The following CACNA2D2 variants were observed in gnomAD, a reference collection of about 807,000 sequenced individuals.
The protein encoded by CACNA2D2 is voltage-dependent calcium channel subunit alpha-2/delta-2.
A neutral mutation model predicts 166.4 loss-of-function variants in CACNA2D2; 48 were observed. That is an observed-to-expected ratio of 0.29 (90% CI 0.23 to 0.37). CACNA2D2 has a LOEUF of 0.37. CACNA2D2 is among the 10% of genes least tolerant of loss of function. CACNA2D2 has a pLI of 1.00. For synonymous variants in CACNA2D2, 561 were observed against 573.7 expected, an observed-to-expected ratio of 0.98 and a Z score of 0.32; for missense variants, 1,122 against 1,433.0, an observed-to-expected ratio of 0.78 and a Z score of 3.50.
Position 50,376,062 on chromosome 3 carries a change from A to G in CACNA2D2, c.1702-28T>C, listed in dbSNP as rs1267559369. On this transcript the variant is annotated intron_variant, in intron 18 of 37. Transcript: ENST00000424201. This position sits in a 1 kb window ranked among gnomAD's most constrained non-coding sequence, Gnocchi z 4.3. Reference sequence around the variant, plus strand: ...GTTGGAGGCAGGGTGGGAAGTCAGAAGTCCCCATTGTGGAAGGTTTGCCCA... The same window carrying G: ...GTTGGAGGCAGGGTGGGAAGTCAGAGGTCCCCATTGTGGAAGGTTTGCCCA... 3.1e-6 allele frequency: 5 copies of G among 1,613,218 alleles called. No homozygotes were observed. The South Asian group carries it at 4.4e-5, about 14-fold the overall frequency.
intron 2 of CACNA2D2, among the ~76,000 whole-genome samples, chr3:50,436,160 C>T (rs1284778148): frequency 5.2e-5 from 5 of 96,248 alleles, no homozygotes; most frequent in African/African-American, 1.7e-4. Context: ...TTCACCCATC[C>T]TTGACAGATC....
chr3:50,394,960 G>T (rs1450385277), intron 3 of CACNA2D2, among the ~76,000 whole-genome samples: 2 of 152,194 alleles, frequency 1.3e-5, no homozygotes, highest in Non-Finnish European at 2.9e-5. Flanking sequence ...CTCAGGGAAG[G>T]CTTGCTGGAG....
chr3:50,365,255 C>A lies in CACNA2D2; in HGVS notation c.3099-71G>T, dbSNP rs1242886791. 8 of 1,566,950 alleles carry A rather than the reference C, an allele frequency of 5.1e-6. No individual in the cohort carries two copies. The highest frequency in any genetic ancestry group is 1.4e-5 in the African/African-American group (1 of 73,184). On this transcript the variant is annotated intron_variant, in intron 35 of 37. Coordinates refer to ENST00000424201, the MANE Select transcript of CACNA2D2 (RefSeq NM_006030.4). This position sits in a 1 kb window ranked among gnomAD's most constrained non-coding sequence, Gnocchi z 4.5. ...GACCCACCCCCATCCTGCGGCCCCG[C>A]CCCCGGCCGCTCGGAGGCCCCGCCC... is the stretch of plus-strand genomic sequence containing the variant.
At chr3:50,470,254 G>A (rs1013419497) in intron 2 of CACNA2D2, among the ~76,000 whole-genome samples, 2 of 152,226 alleles carry the variant, frequency 1.3e-5, no homozygotes, top group Non-Finnish European at 2.9e-5. Context: ...GGGGCAGGAA[G>A]AGAGGAGGCC....
At chr3:50,435,602 C>T (rs1219986253) in intron 2 of CACNA2D2, among the ~76,000 whole-genome samples, 3 of 133,760 alleles carry the variant, frequency 2.2e-5, no homozygotes, top group Non-Finnish European at 4.6e-5. Context: ...AGAGTGACAG[C>T]GAGAAGGCAG....
At chr3:50,467,326 C>A (rs1709867094) in intron 2 of CACNA2D2, among the ~76,000 whole-genome samples, 1 of 152,204 alleles carries the variant, frequency 6.6e-6, no homozygotes, top group South Asian at 2.1e-4. Context: ...TGCTACATCT[C>A]CTAGGGCATC....
rs1705174339 is a variant in CACNA2D2, at chr3:50,379,330, C to T, written c.1152+102G>A. The stretch of plus-strand genomic sequence containing the variant: ...CAGATGGAGCTATCTGTCCAAGCTG[C>T]CTGTTTGGTGCTAACGAGGCCATCC... On this transcript the variant is annotated intron_variant, in intron 11 of 37. Transcript: ENST00000424201. This position sits in a 1 kb window ranked among gnomAD's most constrained non-coding sequence, Gnocchi z 6.5. 6.7e-7 allele frequency: 1 copy of T among 1,492,470 alleles called. No individual in the cohort carries two copies. Among genetic ancestry groups the T allele is most frequent in the South Asian group, 1.2e-5 (1 of 84,820 alleles). The allele number at this position is 1,492,470 out of a possible 1,614,324, so 92.5% of individuals were successfully genotyped here.
At chr3:50,384,457 G>A in intron 5 of CACNA2D2, 120 bp from the exon 6 acceptor site, 1 of 1,166,680 alleles carries the variant, frequency 8.6e-7, no homozygotes, top group South Asian at 1.4e-5. Context: ...CTCAAAAAGA[G>A]AGACTATTGC....
intron 1 of CACNA2D2, among the ~76,000 whole-genome samples, chr3:50,499,089 G>A (rs968354026): frequency 6.6e-6 from 1 of 152,224 alleles, no homozygotes; most frequent in Non-Finnish European, 1.5e-5. Context: ...TGTGTTGCAG[G>A]GAGTGAGGGA....
intron 2 of CACNA2D2, among the ~76,000 whole-genome samples, chr3:50,462,306 T>A (rs2107014639): frequency 6.6e-6 from 1 of 151,730 alleles, no homozygotes; most frequent in Non-Finnish European, 1.5e-5. Context: ...GAGAATTGCT[T>A]GAACCAGGGA....
intron 2 of CACNA2D2, among the ~76,000 whole-genome samples, chr3:50,451,094 C>T (rs1330565264): frequency 6.6e-6 from 1 of 152,162 alleles, no homozygotes; most frequent in Admixed American, 6.5e-5. Context: ...AGCCACCCTG[C>T]CTCTGCCATC....
chr3:50,456,454 A>C (rs1444161877), intron 2 of CACNA2D2, among the ~76,000 whole-genome samples: 2 of 152,144 alleles, frequency 1.3e-5, no homozygotes, highest in African/African-American at 4.8e-5. Context: ...ATTTTCACTC[A>C]CTGGCCTGGG....
In CACNA2D2 at chr3:50,365,565, C is replaced by T; in HGVS notation, c.2971+68G>A. 6.3e-7 allele frequency: 1 copy of T among 1,583,064 alleles called. No individual in the cohort carries two copies. Among genetic ancestry groups the T allele is most frequent in the Non-Finnish European group, 8.6e-7 (1 of 1,163,916 alleles). ...TCCCTCAGTCGTAGACCCCACCCTC[C>T]CCATGGAGTCGTCTTAGCTCAGATT... On this transcript the variant is annotated intron_variant, in intron 34 of 37. Coordinates refer to ENST00000424201, the MANE Select transcript of CACNA2D2 (RefSeq NM_006030.4). The surrounding 1 kb of genome is among the most constrained non-coding windows in gnomAD (Gnocchi z 4.5).
intron 4 of CACNA2D2, among the ~76,000 whole-genome samples, chr3:50,392,776 C>A (rs758466954): frequency 6.6e-6 from 1 of 152,224 alleles, no homozygotes; most frequent in Non-Finnish European, 1.5e-5. Context: ...AAACTGAAGC[C>A]CTTGCCTGGG....
In CACNA2D2 at chr3:50,376,330, TG is replaced by T; in HGVS notation, c.1627-143del. 1 of 884,474 alleles carries T rather than the reference TG, an allele frequency of 1.1e-6. No individual in the cohort carries two copies. Among genetic ancestry groups the T allele is most frequent in the Non-Finnish European group, 1.7e-6 (1 of 575,230 alleles). The allele number at this position is 884,474 out of a possible 1,614,324, so 54.8% of individuals were successfully genotyped here. Reference sequence around the variant, plus strand: ...GGGCTAAGGGCCCCCCCATGCCACGTGGCCCTAAGCCTGTCTCTCCAGCCAG... The same window carrying T: ...GGGCTAAGGGCCCCCCCATGCCACGTGCCCTAAGCCTGTCTCTCCAGCCAG... On this transcript the variant is annotated intron_variant, in intron 17 of 37. Transcript: ENST00000424201. This position sits in a 1 kb window ranked among gnomAD's most constrained non-coding sequence, Gnocchi z 4.3.
intron 14 of CACNA2D2, 51 bp from the exon 15 acceptor site, chr3:50,378,148 C>T (rs148518110): frequency 3.8e-6 from 6 of 1,593,156 alleles, no homozygotes; most frequent in Middle Eastern, 1.7e-4. Context: ...CAGGCACTGC[C>T]TGTTCTGTCT....
At chr3:50,432,948 T>C (rs1386701142) in intron 3 of CACNA2D2, among the ~76,000 whole-genome samples, 1 of 152,260 alleles carries the variant, frequency 6.6e-6, no homozygotes, top group Non-Finnish European at 1.5e-5. Context: ...GCCAGGACCC[T>C]GGCCTGAGCC....
intron 6 of CACNA2D2, among the ~76,000 whole-genome samples, chr3:50,381,698 C>A (rs886745879): frequency 1.3e-5 from 2 of 152,096 alleles, no homozygotes; most frequent in East Asian, 3.9e-4. Context: ...CCTGCTTCAA[C>A]ACAGGCAAGT....
intron 2 of CACNA2D2, among the ~76,000 whole-genome samples, chr3:50,462,074 C>T (rs1458267346): frequency 6.6e-6 from 1 of 152,102 alleles, no homozygotes; most frequent in Non-Finnish European, 1.5e-5. Flanking sequence ...TAAAGGTTCA[C>T]AGAAGACTAA....
Sources: gnomAD v4.1 joint callset for allele counts (sites outside exome capture counted in the v4.1 genomes callset) on GRCh38, gnomAD v4.1.1 for gene constraint, Gnocchi (gnomAD v3.1) non-coding constraint, MANE v1.5 for transcripts, NCBI Gene and HGNC (gene_info 2026-07-23, HGNC 2026-07-21) for gene names.